EIF3E: variants seen among roughly 807,000 people sequenced by gnomAD.
EIF3E encodes eIF-3 p48.
A neutral mutation model predicts 59.3 loss-of-function variants in EIF3E; 25 were observed. The observed-to-expected ratio is 0.42, with a 90% CI of 0.31 to 0.59. EIF3E has a LOEUF of 0.59. EIF3E is among the 20% of genes least tolerant of loss of function. The pLI is 0.15. For missense variants in EIF3E, 317 were observed against 534.3 expected (o/e 0.59, Z 4.01); for synonymous variants, 176 against 170.2 (o/e 1.03, Z -0.26).
At chr8:108,231,105 C>T (rs1055749762) in intron 5 of EIF3E, among the ~76,000 whole-genome samples, 3 of 152,040 alleles carry the variant, frequency 2.0e-5, no homozygotes, top group African/African-American at 7.2e-5. Context: ...CACAAGTACA[C>T]AAATGTTTCA....
chr8:108,242,752 T>C, intron 1 of EIF3E: 1 of 873,996 alleles, frequency 1.1e-6, no homozygotes, highest in Middle Eastern at 5.8e-4. Context: ...GATAGGCACT[T>C]CGCAAAAGAA....
At chr8:108,203,581 A>T in intron 10 of EIF3E, 78 bp from the exon 11 acceptor site, 1 of 1,081,568 alleles carries the variant, frequency 9.2e-7, no homozygotes, top group Non-Finnish European at 1.4e-6. Context: ...GTTGACTCAC[A>T]CTCTGCATAG....
At position 108,247,307 on chromosome 8, in the gene EIF3E, C is replaced by G. The variant is rs113328866; in HGVS notation, c.90+1306G>C. Among the ~76,000 whole-genome samples, 43 of 152,244 alleles carry G rather than the reference C, an allele frequency of 2.8e-4. 1 individual carries two copies. Among genetic ancestry groups the G allele is most frequent in the Non-Finnish European group, 4.9e-4 (33 of 68,016 alleles). The stretch of plus-strand genomic sequence containing the variant: ...AGTTCAGAAGTACTTCTACAAGCAG[C>G]TGGTAAAGGCTTTCAAAATATAGCA... On this transcript the variant is annotated intron_variant, in intron 1 of 12. Transcript: ENST00000220849.
chr8:108,230,501 G>C (rs678387), intron 5 of EIF3E, among the ~76,000 whole-genome samples: 75,757 of 151,796 alleles, frequency 0.5, 18,962 homozygotes, highest in African/African-American at 0.58. Context: ...ATATGTAAAT[G>C]TGTATACATA....
intron 1 of EIF3E, among the ~76,000 whole-genome samples, chr8:108,246,195 T>C (rs967895306): frequency 1.3e-5 from 2 of 149,568 alleles, no homozygotes; most frequent in African/African-American, 4.9e-5. Flanking sequence ...ATTTAAAACT[T>C]ACGAATTGCT....
At chr8:108,243,938 A>C (rs1440085859) in intron 1 of EIF3E, among the ~76,000 whole-genome samples, 2 of 152,142 alleles carry the variant, frequency 1.3e-5, no homozygotes, top group African/African-American at 4.8e-5. Context: ...CTCTCTCCAC[A>C]ATAGATTCAA....
chr8:108,229,300 G>A lies in EIF3E; in HGVS notation c.472-105C>T. The A allele has an allele frequency of 3.5e-6, 4 of 1,135,486 alleles. No homozygotes were observed. The East Asian group carries it at 1.1e-4, about 31-fold the overall frequency. 70.3% of individuals were successfully genotyped at this position (1,135,486 alleles called of 1,614,324 possible). A position where few individuals can be genotyped will look rare whatever the true frequency, so the allele number is the denominator to read the frequency against. On this transcript the variant is annotated intron_variant, in intron 5 of 12. Coordinates refer to ENST00000220849, the MANE Select transcript of EIF3E (RefSeq NM_001568.3). ...CCTCTAGCCTACTAAAAGACCTATA[G>A]CTTTCTACAAAAAACTGTAATTATC... is the stretch of plus-strand genomic sequence containing the variant.
chr8:108,223,273 A>C (rs886344482), intron 7 of EIF3E, among the ~76,000 whole-genome samples: 1 of 152,192 alleles, frequency 6.6e-6, no homozygotes, highest in Non-Finnish European at 1.5e-5. Flanking sequence ...AAGAACAAAA[A>C]GGGAAGTGCA....
intron 10 of EIF3E, among the ~76,000 whole-genome samples, chr8:108,207,658 T>A (rs935111482): frequency 6.6e-6 from 1 of 152,190 alleles, no homozygotes; most frequent in African/African-American, 2.4e-5. Flanking sequence ...CAGCTTAAGG[T>A]AGATACTTAA....
intron 1 of EIF3E, among the ~76,000 whole-genome samples, chr8:108,247,414 AG>A (rs1206160983): frequency 6.6e-6 from 1 of 152,232 alleles, no homozygotes; most frequent in African/African-American, 2.4e-5. Flanking sequence ...TCTAAAATAC[AG>A]GTGTAAAAAG....
At chr8:108,212,726 C>T (rs566004100) in intron 10 of EIF3E, among the ~76,000 whole-genome samples, 7 of 152,060 alleles carry the variant, frequency 4.6e-5, no homozygotes, top group African/African-American at 1.4e-4. Context: ...CTCTTGAACG[C>T]GAGAGGCAGA....
intron 12 of EIF3E, 60 bp downstream of exon 12, chr8:108,202,923 T>C: frequency 6.6e-7 from 1 of 1,514,540 alleles, no homozygotes; most frequent in Non-Finnish European, 8.9e-7. Context: ...CTTTGAAACT[T>C]CATGTAACAA....
At chr8:108,217,763 T>C (rs1469475599) in intron 7 of EIF3E, among the ~76,000 whole-genome samples, 1 of 152,174 alleles carries the variant, frequency 6.6e-6, no homozygotes, top group Non-Finnish European at 1.5e-5. Flanking sequence ...TGACATGCTG[T>C]CAGTCTGTTC....
In EIF3E at chr8:108,236,825, C is replaced by T. The variant is rs144542255; in HGVS notation, c.324-622G>A. Reference sequence around the variant, plus strand: ...TCTCCTGAGGTCAGGAGTTCAAGACCAGCCTGGCAAACATGGTGAGACCCA... The same window carrying T: ...TCTCCTGAGGTCAGGAGTTCAAGACTAGCCTGGCAAACATGGTGAGACCCA... On this transcript the variant is annotated intron_variant, in intron 3 of 12. Coordinates refer to ENST00000220849, the MANE Select transcript of EIF3E (RefSeq NM_001568.3). Among the ~76,000 whole-genome samples, 1,339 of 152,150 alleles carry T rather than the reference C, an allele frequency of 8.8e-3. 36 individuals are homozygous for T. Among genetic ancestry groups the T allele is most frequent in the African/African-American group, 0.031 (1,277 of 41,502 alleles).
chr8:108,205,684 C>T (rs1248225587), intron 10 of EIF3E, among the ~76,000 whole-genome samples: 2 of 152,186 alleles, frequency 1.3e-5, no homozygotes, highest in African/African-American at 4.8e-5. Context: ...CTTTGTCCAG[C>T]ATATCGACAC....
At chr8:108,216,582 C>T in intron 8 of EIF3E, 69 bp from the exon 9 acceptor site, 1 of 1,041,204 alleles carries the variant, frequency 9.6e-7, no homozygotes, top group Non-Finnish European at 1.4e-6. Context: ...CCCAGAATAT[C>T]CCAATCTTCT....
chr8:108,241,744 A>T, intron 2 of EIF3E, 55 bp downstream of exon 2: 2 of 1,072,154 alleles, frequency 1.9e-6, no homozygotes, highest in South Asian at 1.7e-5. Flanking sequence ...ATAAAACTTT[A>T]ATACACACAT....
chr8:108,221,819 C>CACAT, intron 7 of EIF3E, among the ~76,000 whole-genome samples: 1 of 152,142 alleles, frequency 6.6e-6, no homozygotes, highest in South Asian at 2.1e-4. Context: ...CACACACACA[C>CACAT]ACACAAAGTG....
chr8:108,206,611 C>A (rs1466473352), intron 10 of EIF3E, among the ~76,000 whole-genome samples: 1 of 148,312 alleles, frequency 6.7e-6, no homozygotes, highest in African/African-American at 2.5e-5. Flanking sequence ...CACACACACA[C>A]ACACACTGGC....
Sources: allele counts gnomAD v4.1 joint callset (sites outside exome capture counted in the v4.1 genomes callset), GRCh38; gene constraint gnomAD v4.1.1; transcripts MANE v1.5; gene names NCBI Gene and HGNC (gene_info 2026-07-23, HGNC 2026-07-21).